The following ADAM2 variants were observed in gnomAD, a reference collection of about 807,000 sequenced individuals.
ADAM2 encodes the protein disintegrin and metalloproteinase domain-containing protein 2.
In ADAM2, 101 loss-of-function variants were observed where a neutral mutation model predicts 99.3. The observed-to-expected ratio is 1.02, with a 90% CI of 0.87 to 1.20. The LOEUF (loss-of-function observed/expected upper bound fraction) is 1.20, where lower values mean the gene tolerates loss of function less well. Ranked by LOEUF, ADAM2 falls within the 50% of genes most tolerant of loss-of-function variation. The pLI is 0.00. For missense variants in ADAM2, 948 were observed against 878.7 expected, an observed-to-expected ratio of 1.08 and a Z score of -1.00; for synonymous variants, 323 against 287.6, an observed-to-expected ratio of 1.12 and a Z score of -1.25.
At chr8:39,819,333 T>A (rs1312562651) in intron 6 of ADAM2, among the ~76,000 whole-genome samples, 1 of 152,044 alleles carries the variant, frequency 6.6e-6, no homozygotes, top group African/African-American at 2.4e-5. Context: ...TATAAAAAAA[T>A]TTGAATTTCT....
chr8:39,824,724 A>G, intron 4 of ADAM2, 95 bp downstream of exon 4: 1 of 724,904 alleles, frequency 1.4e-6, no homozygotes, highest in Non-Finnish European at 2.4e-6. Flanking sequence ...AGAAGCCATG[A>G]CCCAACACTT....
At chr8:39,764,435 C>A (rs1284706020) in intron 14 of ADAM2, among the ~76,000 whole-genome samples, 1 of 152,088 alleles carries the variant, frequency 6.6e-6, no homozygotes, top group East Asian at 1.9e-4. Flanking sequence ...GGAGGGGAGT[C>A]CTGTTTTATT....
rs757096818 is a variant in ADAM2, at chr8:39,767,151, A to G, written c.1311+2T>C. The G allele has an allele frequency of 6.2e-7, 1 of 1,605,888 alleles. No individual in the cohort carries two copies. Among genetic ancestry groups the G allele is most frequent in the Non-Finnish European group, 8.5e-7 (1 of 1,177,972 alleles). ...TATTGAAATTTTTCAAAAAGCTCTT[A>G]CTAGACAGTTTTCGCAGCATGGTCC... On this transcript the variant is annotated splice_donor_variant, in intron 13 of 20. Coordinates refer to ENST00000265708, the MANE Select transcript of ADAM2 (RefSeq NM_001464.5). LOFTEE classifies it high-confidence loss of function.
At chr8:39,749,892 G>T in intron 16 of ADAM2, 148 bp from the exon 17 acceptor site, 1 of 555,562 alleles carries the variant, frequency 1.8e-6, no homozygotes. Flanking sequence ...ACAATGAATA[G>T]TTAATGTATT....
In ADAM2 at chr8:39,820,997, C is replaced by A; in HGVS notation, c.513+5G>T. On this transcript the variant is annotated splice_donor_5th_base_variant and intron_variant, in intron 6 of 20. Coordinates refer to ENST00000265708, the MANE Select transcript of ADAM2 (RefSeq NM_001464.5). The stretch of plus-strand genomic sequence containing the variant: ...ACCATAGAGTTTGTTCAATTAATCA[C>A]CTACCTCTACGCTTTGTAATTTAAA... 1 of 1,557,294 alleles carries A rather than the reference C, an allele frequency of 6.4e-7. No individual in the cohort carries two copies. The highest frequency in any genetic ancestry group is 8.7e-7 in the Non-Finnish European group (1 of 1,145,402).
chr8:39,760,434 C>T (rs535343448), intron 15 of ADAM2, among the ~76,000 whole-genome samples: 6 of 152,228 alleles, frequency 3.9e-5, no homozygotes, highest in Non-Finnish European at 4.4e-5. Context: ...TTAAATACCA[C>T]GCTTTGGCCA....
chr8:39,821,062 G>A lies in ADAM2; in HGVS notation c.453C>T (p.Ser151=), dbSNP rs755102603. The change falls in exon 6 of 21, where the codon TCC becomes TCT. Residue 151 remains serine, a synonymous_variant. Coordinates refer to ENST00000265708, the MANE Select transcript of ADAM2 (RefSeq NM_001464.5). ...YQVKHKKADV[S]LYNEKDIESR... is the part of the protein sequence containing the mutation. The stretch of plus-strand genomic sequence containing the variant: ...ATTCAATATCCTTCTCATTATATAA[G>A]GAAACATCTGCTTTCTTATGTTTTA... 21 of 1,606,312 alleles carry A rather than the reference G, an allele frequency of 1.3e-5. No individual in the cohort carries two copies. In the Admixed American group the frequency reaches 3.5e-4, roughly 27 times the overall value.
At chr8:39,755,156 TGA>T (rs2129583277) in intron 16 of ADAM2, among the ~76,000 whole-genome samples, 1 of 152,284 alleles carries the variant, frequency 6.6e-6, no homozygotes, top group African/African-American at 2.4e-5. Context: ...CTGTGTGATA[TGA>T]GATATTTAAT....
intron 2 of ADAM2, among the ~76,000 whole-genome samples, chr8:39,836,637 A>T (rs975583390): frequency 2.0e-5 from 3 of 152,200 alleles, no homozygotes; most frequent in Non-Finnish European, 4.4e-5. Flanking sequence ...TTCAAATTTT[A>T]AAAAGAGAGT....
intron 19 of ADAM2, among the ~76,000 whole-genome samples, chr8:39,746,121 G>C (rs1282658754): frequency 6.6e-6 from 1 of 152,076 alleles, no homozygotes; most frequent in Non-Finnish European, 1.5e-5. Context: ...TGCCTCCCAG[G>C]CTCAAGTGAT....
chr8:39,804,266 G>C (rs962848800), intron 7 of ADAM2, among the ~76,000 whole-genome samples: 11 of 152,160 alleles, frequency 7.2e-5, no homozygotes, highest in African/African-American at 2.4e-4. Context: ...GATTTAACCA[G>C]GTTTGAGGTT....
intron 10 of ADAM2, among the ~76,000 whole-genome samples, chr8:39,780,930 A>T (rs1159157112): frequency 6.6e-6 from 1 of 152,032 alleles, no homozygotes; most frequent in African/African-American, 2.4e-5. Context: ...TACAGTTGAA[A>T]CTAAAACATT....
chr8:39,758,974 G>T (rs2129583575), intron 15 of ADAM2, among the ~76,000 whole-genome samples: 1 of 152,066 alleles, frequency 6.6e-6, no homozygotes, highest in Admixed American at 6.6e-5. Context: ...TACATTTCTA[G>T]ATAATAAAGG....
rs768988974 is a variant in ADAM2 at position 39,775,010 on chromosome 8, G to A, written c.1028+2015C>T. ...GGTGTAAGGATGAAGAAAGAGAGGG[G>A]GAGGAAAGGTCGATATCAGCATGTA... On this transcript the variant is annotated intron_variant, in intron 11 of 20. Coordinates refer to ENST00000265708, the MANE Select transcript of ADAM2 (RefSeq NM_001464.5). Among the ~76,000 whole-genome samples the A allele has an allele frequency of 3.9e-5, 6 of 151,996 alleles. No individual in the cohort carries two copies. The East Asian group carries it at 1.2e-3, about 29-fold the overall frequency.
intron 16 of ADAM2, among the ~76,000 whole-genome samples, chr8:39,752,420 A>G (rs1801984397): frequency 6.6e-6 from 1 of 152,168 alleles, no homozygotes; most frequent in South Asian, 2.1e-4. Flanking sequence ...AGAAAATTTT[A>G]TGGCATTTTT....
intron 3 of ADAM2, 48 bp from the exon 4 acceptor site, chr8:39,824,945 T>C: frequency 2.4e-6 from 2 of 833,276 alleles, no homozygotes; most frequent in Non-Finnish European, 4.0e-6. Context: ...AACCTTTTGT[T>C]TTGAAACATT....
At chr8:39,801,986 A>T (rs888990294) in intron 7 of ADAM2, among the ~76,000 whole-genome samples, 4 of 152,102 alleles carry the variant, frequency 2.6e-5, no homozygotes, top group African/African-American at 9.7e-5. Flanking sequence ...AAGGAGCTCA[A>T]ATGGTGTAGA....
intron 3 of ADAM2, 50 bp from the exon 4 acceptor site, chr8:39,824,947 T>C (rs1380016027): frequency 1.2e-6 from 1 of 834,360 alleles, no homozygotes; most frequent in South Asian, 1.5e-5. Flanking sequence ...CCTTTTGTTT[T>C]GAAACATTTA....
In ADAM2 at chr8:39,746,557, T is replaced by C. The variant is rs772966320; in HGVS notation, c.2089A>G (p.Ile697Val). Residue 697 changes from isoleucine to valine, a missense_variant, in exon 19 of 21, where the codon ATT (isoleucine) becomes GTT (valine). By Grantham distance (29) the Ile-to-Val change is conservative (BLOSUM62 3). Transcript: ENST00000265708. The stretch of plus-strand genomic sequence containing the variant: ...ATAGCAATCAGTACACAGAAAATAA[T>C]AAAGAAAGGAATGAATAAGAAAAAT... ...WPFFLFIPFF[I>V]IFCVLIAIMV... The C allele has an allele frequency of 8.7e-6, 14 of 1,606,594 alleles. No individual in the cohort carries two copies. The highest frequency in any genetic ancestry group is 1.7e-4 in the Middle Eastern group (1 of 6,050).
Sources: gnomAD v4.1 joint callset for allele counts (sites outside exome capture counted in the v4.1 genomes callset) on GRCh38, gnomAD v4.1.1 for gene constraint, MANE v1.5 for transcripts, NCBI Gene and HGNC (gene_info 2026-07-23, HGNC 2026-07-21) for gene names.